The following HOXD3 variants were observed in gnomAD, a reference collection of about 807,000 sequenced individuals.
HOXD3 encodes the protein homeobox D3.
HOXD3 carries 13 observed loss-of-function variants against 32.8 expected under a neutral mutation model. That is an observed-to-expected ratio of 0.40 (90% CI 0.26 to 0.63). HOXD3 has a LOEUF of 0.63. HOXD3 is among the 20% of genes least tolerant of loss of function. The pLI, the probability that HOXD3 is intolerant of heterozygous loss-of-function variation, is 0.44. For missense variants in HOXD3, 504 were observed against 577.1 expected (o/e 0.87, Z 1.30); for synonymous variants, 241 against 246.8 (o/e 0.98, Z 0.22).
intron 1 of HOXD3, among the ~76,000 whole-genome samples, chr2:176,163,672 C>T (rs945517701): frequency 2.0e-5 from 3 of 152,182 alleles, no homozygotes; most frequent in African/African-American, 7.2e-5. Context: ...TGCCAAACCC[C>T]CACCTTAATT....
At chr2:176,170,640 T>A (rs1304274736) in intron 3 of HOXD3, among the ~76,000 whole-genome samples, 1 of 152,156 alleles carries the variant, frequency 6.6e-6, no homozygotes, top group African/African-American at 2.4e-5. Context: ...GTTTGCCTGA[T>A]GTTTTCTGGG....
At chr2:176,167,646 T>C (rs779024017) in intron 2 of HOXD3, among the ~76,000 whole-genome samples, 3 of 151,282 alleles carry the variant, frequency 2.0e-5, no homozygotes, top group Non-Finnish European at 4.4e-5. Context: ...TGGACTTTCA[T>C]GCAAGATGCT....
chr2:176,160,683 C>T (rs1690772892), intron 1 of HOXD3, among the ~76,000 whole-genome samples: 1 of 152,240 alleles, frequency 6.6e-6, no homozygotes, highest in South Asian at 2.1e-4. Flanking sequence ...CTCTCCAAAT[C>T]CAGAAACGAC....
chr2:176,161,253 TTAATCG>T (rs1339665356), intron 1 of HOXD3, among the ~76,000 whole-genome samples: 1 of 152,152 alleles, frequency 6.6e-6, no homozygotes, highest in Non-Finnish European at 1.5e-5. Flanking sequence ...AGGACGGTGA[TTAATCG>T]TAACAAGGCG....
chr2:176,171,359 C>T (rs773700167), intron 3 of HOXD3, among the ~76,000 whole-genome samples, 158 bp from the exon 4 acceptor site: 31 of 152,168 alleles, frequency 2.0e-4, no homozygotes, highest in Non-Finnish European at 3.4e-4. Flanking sequence ...GTGAATTCCC[C>T]CTTGGAATCA....
chr2:176,163,106 C>A (rs953084331), intron 1 of HOXD3, among the ~76,000 whole-genome samples: 1 of 152,134 alleles, frequency 6.6e-6, no homozygotes, highest in Non-Finnish European at 1.5e-5. Flanking sequence ...AGGAGCCCTA[C>A]CGGGCTGGGA....
At chr2:176,157,110 G>T (rs1690662285), upstream of HOXD3, among the ~76,000 whole-genome samples, 1 of 152,134 alleles carries the variant, frequency 6.6e-6, no homozygotes, top group Non-Finnish European at 1.5e-5. Context: ...CTTCCCGCCC[G>T]CCTGCCCGCC....
upstream of HOXD3, chr2:176,153,212 A>G: frequency 2.0e-6 from 1 of 488,322 alleles, no homozygotes. Context: ...CGAGTCATTA[A>G]ACTTATGAAA....
upstream of HOXD3, among the ~76,000 whole-genome samples, chr2:176,155,319 G>A (rs1464066510): frequency 6.6e-6 from 1 of 152,112 alleles, no homozygotes; most frequent in Non-Finnish European, 1.5e-5. Flanking sequence ...CTCACCCCCA[G>A]TTTCATACCA....
chr2:176,162,116 G>C (rs1690828049), intron 1 of HOXD3, among the ~76,000 whole-genome samples: 1 of 152,266 alleles, frequency 6.6e-6, no homozygotes. Flanking sequence ...CCGACTTCCA[G>C]GGGCTTCGCC....
At chr2:176,167,593 T>TTAC in intron 2 of HOXD3, among the ~76,000 whole-genome samples, 1 of 152,244 alleles carries the variant, frequency 6.6e-6, no homozygotes, top group East Asian at 1.9e-4. Flanking sequence ...TTCATAGAGC[T>TTAC]TACTCAGCTG....
chr2:176,171,958 G>A lies in HOXD3; in HGVS notation c.983G>A (p.Arg328His). The change falls in exon 4 of 4, where the codon CGC becomes CAC. Residue 328 changes from arginine to histidine, a missense_variant. Physicochemically the swap from Arg to His is conservative, Grantham distance 29. This residue lies in a region of HOXD3 where 226 missense variants were observed against 246.9 expected (regional missense o/e 0.92). Coordinates refer to ENST00000683222, the MANE Select transcript of HOXD3 (RefSeq NM_006898.5). The stretch of plus-strand genomic sequence containing the variant: ...AGCAGCTGCCTGCCACAACAGAAGC[G>A]CTACGCAGCGCCGGAGTTCGAGCCC... The part of the protein sequence containing the change: ...PLSSCLPQQK[R>H]YAAPEFEPHP... The A allele has an allele frequency of 6.2e-7, 1 of 1,610,658 alleles. No individual in the cohort carries two copies. The highest frequency in any genetic ancestry group is 1.1e-5 in the South Asian group (1 of 90,978).
At position 176,172,471 on chromosome 2, in the gene HOXD3, G is replaced by C; in HGVS notation, c.*197G>C. On this transcript the variant is annotated 3_prime_UTR_variant, in exon 4 of 4. Coordinates refer to ENST00000683222, the MANE Select transcript of HOXD3 (RefSeq NM_006898.5). ...TCCATGGGCGTCCTTTGGGTGACTC[G>C]CCATAAATCAGCCGCAAGGATCCTT... 3 of 580,064 alleles carry C rather than the reference G, an allele frequency of 5.2e-6. No individual in the cohort carries two copies. Among genetic ancestry groups the C allele is most frequent in the Non-Finnish European group, 9.1e-6 (3 of 330,280 alleles). 35.9% of individuals were successfully genotyped at this position (580,064 alleles called of 1,614,324 possible). A position where few individuals can be genotyped will look rare whatever the true frequency, so the allele number is the denominator to read the frequency against.
At chr2:176,168,293 G>A (rs554193065) in intron 2 of HOXD3, among the ~76,000 whole-genome samples, 6 of 150,486 alleles carry the variant, frequency 4.0e-5, no homozygotes, top group South Asian at 2.1e-4. Flanking sequence ...AAGAGCTGGC[G>A]CAGTGGCTCA....
rs762532227 is a variant in HOXD3 at position 176,172,176 on chromosome 2, C to T, written c.1201C>T (p.His401Tyr). ...CAAQIPGNHH[H>Y]GPCDPHPTYT... ...CGCGCAGATTCCAGGCAACCACCAC[C>T]ATGGACCTTGCGACCCTCATCCCAC... Residue 401 changes from histidine (H) to tyrosine (Y), a missense_variant, in exon 4 of 4, where the codon CAT (histidine) becomes TAT (tyrosine). By Grantham distance (83) the His-to-Tyr change is moderately conservative (BLOSUM62 2). This residue lies in a region of HOXD3 where 226 missense variants were observed against 246.9 expected (regional missense o/e 0.92). Transcript: ENST00000683222. 4.3e-6 allele frequency: 7 copies of T among 1,613,050 alleles called. No homozygotes were observed. Among genetic ancestry groups the T allele is most frequent in the African/African-American group, 4.0e-5 (3 of 74,946 alleles).
At chr2:176,154,432 G>A (rs1384484628), upstream of HOXD3, among the ~76,000 whole-genome samples, 2 of 152,062 alleles carry the variant, frequency 1.3e-5, no homozygotes, top group African/African-American at 2.4e-5. Context: ...AAGGCCTCAG[G>A]CTCCAAAAAA....
intron 1 of HOXD3, among the ~76,000 whole-genome samples, chr2:176,161,261 A>G (rs1351038666): frequency 2.0e-5 from 3 of 152,204 alleles, no homozygotes; most frequent in South Asian, 2.1e-4. Context: ...GATTAATCGT[A>G]ACAAGGCGCG....
upstream of HOXD3, among the ~76,000 whole-genome samples, chr2:176,155,080 T>A (rs1690617396): frequency 6.6e-6 from 1 of 152,206 alleles, no homozygotes; most frequent in Non-Finnish European, 1.5e-5. Context: ...CTCTTCTTTT[T>A]TCCTCTCTAA....
chr2:176,172,369 T>G lies in HOXD3; in HGVS notation c.*95T>G. On this transcript the variant is annotated 3_prime_UTR_variant, in exon 4 of 4. Transcript: ENST00000683222. ...CCCGCGGGGCAGTTCGGGAACCCCCTTCCCCGCTCTTGCCCTGCCGCCGCC... is the reference window on the plus strand; with the variant it reads ...CCCGCGGGGCAGTTCGGGAACCCCCGTCCCCGCTCTTGCCCTGCCGCCGCC... 2 of 1,229,114 alleles carry G rather than the reference T, an allele frequency of 1.6e-6. No homozygotes were observed. The highest frequency in any genetic ancestry group is 2.2e-6 in the Non-Finnish European group (2 of 906,492). 76.1% of individuals were successfully genotyped at this position (1,229,114 alleles called of 1,614,324 possible). A position where few individuals can be genotyped will look rare whatever the true frequency, so the allele number is the denominator to read the frequency against.
Sources: gnomAD v4.1 joint callset for allele counts (sites outside exome capture counted in the v4.1 genomes callset) on GRCh38, gnomAD v4.1.1 for gene constraint, gnomAD v4.1.1 regional missense constraint, MANE v1.5 for transcripts, NCBI Gene and HGNC (gene_info 2026-07-23, HGNC 2026-07-21) for gene names.